Variants in SNTG2 observed in about 807,000 individuals in gnomAD.
SNTG2 encodes gamma-2-syntrophin.
A neutral mutation model predicts 70.9 loss-of-function variants in SNTG2; 74 were observed. The observed-to-expected ratio is 1.04, with a 90% CI of 0.86 to 1.27. The LOEUF (loss-of-function observed/expected upper bound fraction) is 1.27. SNTG2 is among the 50% of genes most tolerant of loss of function. SNTG2 has a pLI of 0.00. For missense variants in SNTG2, 717 were observed against 690.7 expected (o/e 1.04, Z -0.43); for synonymous variants, 278 against 273.8 (o/e 1.02, Z -0.15).
intron 9 of SNTG2, among the ~76,000 whole-genome samples, chr2:1,229,744 G>A (rs1390104656): frequency 2.0e-5 from 3 of 152,358 alleles, no homozygotes; most frequent in Non-Finnish European, 2.9e-5. Context: ...GTCCTGCCCC[G>A]CCGGAAGGCA....
chr2:1,177,858 C>G (rs987053829), intron 8 of SNTG2, among the ~76,000 whole-genome samples: 2 of 152,024 alleles, frequency 1.3e-5, no homozygotes, highest in African/African-American at 2.4e-5. Context: ...TAAATAATTT[C>G]TTTTATATTA....
At chr2:1,062,050 A>G (rs1053765280) in intron 1 of SNTG2, among the ~76,000 whole-genome samples, 2 of 152,252 alleles carry the variant, frequency 1.3e-5, no homozygotes, top group African/African-American at 4.8e-5. Flanking sequence ...TATGTTAATA[A>G]CAAACATGAG....
intron 8 of SNTG2, among the ~76,000 whole-genome samples, chr2:1,185,563 C>T (rs1213913676): frequency 6.6e-6 from 1 of 152,218 alleles, no homozygotes; most frequent in African/African-American, 2.4e-5. Flanking sequence ...GCCCTCTGGG[C>T]ACCTGCAGGC....
chr2:958,476 A>G (rs955049207), intron 1 of SNTG2, among the ~76,000 whole-genome samples: 1 of 152,220 alleles, frequency 6.6e-6, no homozygotes, highest in South Asian at 2.1e-4. Flanking sequence ...TGGTGCTTCA[A>G]GATGGATTTT....
intron 1 of SNTG2, among the ~76,000 whole-genome samples, chr2:1,053,702 C>T (rs917452000): frequency 1.4e-4 from 21 of 152,148 alleles, no homozygotes; most frequent in African/African-American, 5.1e-4. Context: ...TGCAGTTAGG[C>T]CTCCATGTGG....
chr2:1,292,041 T>G (rs989887658), intron 14 of SNTG2, among the ~76,000 whole-genome samples: 1 of 152,218 alleles, frequency 6.6e-6, no homozygotes. Context: ...AATGTACAAG[T>G]CTTTTTGCTT....
chr2:1,350,309 C>T (rs938716603), intron 16 of SNTG2, among the ~76,000 whole-genome samples: 1 of 152,022 alleles, frequency 6.6e-6, no homozygotes, highest in African/African-American at 2.4e-5. Context: ...GGGCTTTGGT[C>T]GAATTAATTT....
In SNTG2 at chr2:1,264,805, C is replaced by T. The variant is rs1678634370; in HGVS notation, c.1078-2560C>T. 3.3e-5 allele frequency among the ~76,000 whole-genome samples: 5 copies of T among 152,286 alleles called. No individual in the cohort carries two copies. The South Asian group carries it at 8.3e-4, about 25-fold the overall frequency. On this transcript the variant is annotated intron_variant, in intron 13 of 16. Transcript: ENST00000308624. ...TAAATTCCTGGGCTCCAGTGATGCC[C>T]CTGCCTCAGCCTCCCAATTAGTTGT...
At chr2:1,262,739 G>GGAAGGCTCCGTGCAGACGAGGCAACCC (rs1558611056) in intron 13 of SNTG2, 9 of 101,924 alleles carry the variant, frequency 8.8e-5, no homozygotes, top group Non-Finnish European at 7.2e-5. Context: ...CGAGGCAACC[G>GGAAGGCTCCGTGCAGACGAGGCAACCC]GAAGGCTCCG....
intron 2 of SNTG2, among the ~76,000 whole-genome samples, chr2:1,087,987 A>G (rs2148184110): frequency 6.6e-6 from 1 of 152,270 alleles, no homozygotes; most frequent in East Asian, 1.9e-4. Context: ...ACTTTATCTA[A>G]ATTTATATCT....
At chr2:1,025,715 C>T (rs955368612) in intron 1 of SNTG2, among the ~76,000 whole-genome samples, 14 of 152,272 alleles carry the variant, frequency 9.2e-5, no homozygotes, top group South Asian at 4.1e-4. Flanking sequence ...TTATGGAGGC[C>T]CCTGTGATGA....
intron 4 of SNTG2, among the ~76,000 whole-genome samples, chr2:1,103,942 AATT>A (rs1665955001): frequency 6.6e-6 from 1 of 152,224 alleles, no homozygotes; most frequent in South Asian, 2.1e-4. Flanking sequence ...ATACAAATGA[AATT>A]ATTATGTCAG....
chr2:1,223,654 C>T (rs796929138), intron 9 of SNTG2, among the ~76,000 whole-genome samples: 33 of 152,302 alleles, frequency 2.2e-4, no homozygotes, highest in African/African-American at 7.5e-4. Context: ...TGACATCATT[C>T]GTATTGGGCC....
intron 12 of SNTG2, 50 bp downstream of exon 12, chr2:1,247,493 TC>T (rs1221557573): frequency 2.3e-6 from 3 of 1,306,828 alleles, no homozygotes; most frequent in Admixed American, 1.7e-5. Flanking sequence ...GGAGGGCTAT[TC>T]CTGTAGGAGG....
chr2:1,290,014 T>A (rs1679926074), intron 14 of SNTG2, among the ~76,000 whole-genome samples: 1 of 152,234 alleles, frequency 6.6e-6, no homozygotes, highest in Non-Finnish European at 1.5e-5. Context: ...ATATAACATT[T>A]TGTTTATCCG....
At chr2:1,169,645 C>T (rs1670990227) in intron 7 of SNTG2, among the ~76,000 whole-genome samples, 1 of 152,126 alleles carries the variant, frequency 6.6e-6, no homozygotes, top group Admixed American at 6.6e-5. Context: ...TCCGTGGGCT[C>T]CACTAAAACC....
In SNTG2 at chr2:1,316,170, G is replaced by C. The variant is rs529484221; in HGVS notation, c.1378-95G>C. ...CGATTTAAACATTAAGTGAATGTCTGTTGATTTAACGAGGCTGTTTAATGT... is the reference window on the plus strand; with the variant it reads ...CGATTTAAACATTAAGTGAATGTCTCTTGATTTAACGAGGCTGTTTAATGT... On this transcript the variant is annotated intron_variant, in intron 15 of 16. Coordinates refer to ENST00000308624, the MANE Select transcript of SNTG2 (RefSeq NM_018968.4). 38 of 612,508 alleles carry C rather than the reference G, an allele frequency of 6.2e-5. No homozygotes were observed. In the Admixed American group the frequency reaches 8.8e-4, roughly 14 times the overall value. The allele number at this position is 612,508 out of a possible 1,614,324, so 37.9% of individuals were successfully genotyped here.
intron 9 of SNTG2, among the ~76,000 whole-genome samples, chr2:1,220,546 A>C (rs1674684893): frequency 6.6e-6 from 1 of 152,228 alleles, no homozygotes; most frequent in African/African-American, 2.4e-5. Flanking sequence ...TTTTCAGAGG[A>C]ACCCCACAGC....
At chr2:1,116,628 G>A (rs143978313) in intron 4 of SNTG2, among the ~76,000 whole-genome samples, 2,684 of 147,260 alleles carry the variant, frequency 0.018, 58 homozygotes, top group African/African-American at 0.065. Flanking sequence ...GTGCTCTGGT[G>A]TGTGGGTGCT....
Sources: allele counts gnomAD v4.1 joint callset (sites outside exome capture counted in the v4.1 genomes callset), GRCh38; gene constraint gnomAD v4.1.1; transcripts MANE v1.5; gene names NCBI Gene and HGNC (gene_info 2026-07-23, HGNC 2026-07-21).